The following PRDM2 variants were observed in gnomAD, a reference collection of about 807,000 sequenced individuals.
The protein encoded by PRDM2 is PR domain zinc finger protein 2.
PRDM2 carries 30 observed loss-of-function variants against 130.0 expected under a neutral mutation model. The observed-to-expected ratio is 0.23, with a 90% CI of 0.17 to 0.31. PRDM2 has a LOEUF of 0.31. Ranked by LOEUF, PRDM2 falls within the 10% of genes least tolerant of loss-of-function variation. The pLI is 1.00. For missense variants in PRDM2, 2,011 were observed against 2,108.4 expected, an observed-to-expected ratio of 0.95 and a Z score of 0.90; for synonymous variants, 871 against 782.4, an observed-to-expected ratio of 1.11 and a Z score of -1.89.
In PRDM2 at chr1:13,755,117, G is replaced by C. The variant is rs375958971; in HGVS notation, c.511+5630G>C. Among the ~76,000 whole-genome samples, 8 of 152,186 alleles carry C rather than the reference G, an allele frequency of 5.3e-5. No homozygotes were observed. In the East Asian group the frequency reaches 9.6e-4, roughly 18 times the overall value. ...AGTAGTTTTTCAACAGTAGGAGTTC[G>C]GGAATTATAAAAAATTTGCAGTTCT... On this transcript the variant is annotated intron_variant, in intron 6 of 9. Coordinates refer to ENST00000311066, the MANE Select transcript of PRDM2 (RefSeq NM_001393986.1).
intron 8 of PRDM2, among the ~76,000 whole-genome samples, chr1:13,808,490 A>G (rs545656425): frequency 6.7e-6 from 1 of 148,396 alleles, no homozygotes; most frequent in Non-Finnish European, 1.5e-5. Context: ...AAAACAGTTG[A>G]TGCTGAACTT....
At chr1:13,739,125 C>T (rs960602171) in intron 4 of PRDM2, among the ~76,000 whole-genome samples, 4 of 151,822 alleles carry the variant, frequency 2.6e-5, no homozygotes, top group African/African-American at 7.3e-5. Context: ...TGGCTCACTG[C>T]AAGCTCTGCC....
chr1:13,712,582 C>T (rs1642404417), intron 1 of PRDM2, among the ~76,000 whole-genome samples: 1 of 152,078 alleles, frequency 6.6e-6, no homozygotes, highest in Admixed American at 6.6e-5. Flanking sequence ...TGGTGAAACT[C>T]CGTCTCTACT....
intron 2 of PRDM2, among the ~76,000 whole-genome samples, chr1:13,729,151 AG>A (rs1268467184): frequency 1.1e-4 from 17 of 152,140 alleles, no homozygotes; most frequent in Admixed American, 1.0e-3. Flanking sequence ...GACTATTTGG[AG>A]TACATTCTAC....
chr1:13,762,144 G>A (rs952194669), intron 6 of PRDM2, among the ~76,000 whole-genome samples: 6 of 152,268 alleles, frequency 3.9e-5, no homozygotes, highest in African/African-American at 1.4e-4. Context: ...TGTGGCATTC[G>A]TTTTGTGCAT....
At chr1:13,809,344 C>T (rs192735117) in intron 8 of PRDM2, among the ~76,000 whole-genome samples, 34 of 152,172 alleles carry the variant, frequency 2.2e-4, no homozygotes, top group East Asian at 3.9e-4. Context: ...GGACTCCAGG[C>T]GAGAGGTGGT....
In PRDM2 at chr1:13,806,192, G is replaced by A. The variant is rs114520194; in HGVS notation, c.5037-10235G>A. ...TTGAAATACTCTCCACCTGGACACC[G>A]CCCTCTCCCAGTCTCTGCACATTAC... On this transcript the variant is annotated intron_variant, in intron 8 of 9. Transcript: ENST00000311066. The surrounding 1 kb of genome is among the most constrained non-coding windows in gnomAD (Gnocchi z 4.1). Among the ~76,000 whole-genome samples the A allele has an allele frequency of 2.9e-3, 445 of 151,902 alleles. 2 individuals are homozygous for A. Among genetic ancestry groups the A allele is most frequent in the Non-Finnish European group, 5.1e-3 (345 of 67,948 alleles).
At chr1:13,721,990 G>A (rs1222979532) in intron 2 of PRDM2, among the ~76,000 whole-genome samples, 1 of 152,338 alleles carries the variant, frequency 6.6e-6, no homozygotes, top group South Asian at 2.1e-4. Context: ...CCTTAGGCTA[G>A]TGCCTGACAT....
At chr1:13,818,743 G>A (rs2100772400) in intron 9 of PRDM2, among the ~76,000 whole-genome samples, 1 of 152,122 alleles carries the variant, frequency 6.6e-6, no homozygotes, top group Non-Finnish European at 1.5e-5. Flanking sequence ...TTCCTCTGGG[G>A]TTTGGGGAGG....
At chr1:13,763,241 TAAG>T (rs1644144630) in intron 6 of PRDM2, among the ~76,000 whole-genome samples, 1 of 152,214 alleles carries the variant, frequency 6.6e-6, no homozygotes, top group Admixed American at 6.5e-5. Context: ...ATGATGGGTA[TAAG>T]AACCAAGTGC....
chr1:13,749,520 G>T (rs1569855174), intron 6 of PRDM2, 33 bp downstream of exon 6: 2 of 1,220,530 alleles, frequency 1.6e-6, no homozygotes, highest in Admixed American at 3.0e-5. Flanking sequence ...GCCCGGCCCC[G>T]GCGCCACGCC....
chr1:13,703,624 G>A (rs1233836318), intron 1 of PRDM2, among the ~76,000 whole-genome samples: 1 of 152,206 alleles, frequency 6.6e-6, no homozygotes, highest in Non-Finnish European at 1.5e-5. Flanking sequence ...GTATCCTGGA[G>A]ATCATAAAGG....
chr1:13,749,119 C>T (rs948859767), intron 5 of PRDM2, among the ~76,000 whole-genome samples: 1 of 152,116 alleles, frequency 6.6e-6, no homozygotes, highest in Non-Finnish European at 1.5e-5. Flanking sequence ...CGCTACCCGT[C>T]ACCGGGCCTT....
intron 8 of PRDM2, among the ~76,000 whole-genome samples, chr1:13,812,446 GGAA>G (rs1373428910): frequency 6.6e-6 from 1 of 152,212 alleles, no homozygotes; most frequent in Admixed American, 6.5e-5. Flanking sequence ...GAATAGAAGA[GGAA>G]GAAAAGGGCT....
chr1:13,821,430 ACATTTATTTATT>A (rs1412829356), intron 9 of PRDM2, among the ~76,000 whole-genome samples: 3 of 142,188 alleles, frequency 2.1e-5, no homozygotes, highest in East Asian at 4.1e-4. Flanking sequence ...AATGCAGTGA[ACATTTATTTATT>A]TATTTATTTA....
intron 1 of PRDM2, among the ~76,000 whole-genome samples, chr1:13,714,961 A>G (rs61775102): frequency 0.06 from 9,100 of 152,310 alleles, 402 homozygotes; most frequent in Non-Finnish European, 0.098. Context: ...TTACTATACT[A>G]TGAATACATG....
chr1:13,797,101 G>T (rs1292070221), intron 8 of PRDM2, among the ~76,000 whole-genome samples: 1 of 152,146 alleles, frequency 6.6e-6, no homozygotes, highest in East Asian at 1.9e-4. Context: ...GTTTAATCTT[G>T]ATAGTTTTAG....
intron 2 of PRDM2, chr1:13,722,964 C>A: frequency 2.4e-6 from 1 of 416,270 alleles, no homozygotes; most frequent in South Asian, 1.7e-5. Flanking sequence ...TGCCCAAACC[C>A]TCTTGTGTCA....
intron 8 of PRDM2, among the ~76,000 whole-genome samples, chr1:13,798,081 G>A (rs995970619): frequency 2.0e-5 from 3 of 152,108 alleles, no homozygotes; most frequent in African/African-American, 4.8e-5. Flanking sequence ...TCTGAGTGTC[G>A]TAGGTAAGAG....
Sources: allele counts gnomAD v4.1 joint callset (sites outside exome capture counted in the v4.1 genomes callset), GRCh38; gene constraint gnomAD v4.1.1; non-coding constraint Gnocchi (gnomAD v3.1); transcripts MANE v1.5; gene names NCBI Gene and HGNC (gene_info 2026-07-23, HGNC 2026-07-21).